TMX1: variants seen among roughly 807,000 people sequenced by gnomAD.
The protein encoded by TMX1 is thioredoxin-related transmembrane protein 1.
Under a neutral mutation model 36.6 loss-of-function variants are expected in TMX1, and 25 were observed. The ratio of observed to expected loss-of-function variants is 0.68; its 90% confidence interval spans 0.50 to 0.95. The LOEUF is 0.95. TMX1 is among the 40% of genes least tolerant of loss of function. The pLI is 0.00. For synonymous variants in TMX1, 133 were observed against 118.0 expected, an observed-to-expected ratio of 1.13 and a Z score of -0.82; for missense variants, 347 against 339.6, an observed-to-expected ratio of 1.02 and a Z score of -0.17.
intron 2 of TMX1, 66 bp downstream of exon 2, chr14:51,244,037 T>A: frequency 7.8e-7 from 1 of 1,284,726 alleles, no homozygotes; most frequent in East Asian, 2.4e-5. Context: ...TCCTTTTTTC[T>A]ACATTGCATA....
Position 51,256,442 on chromosome 14 carries a change from C to T in TMX1, c.*1923C>T, listed in dbSNP as rs984217200. The T allele has an allele frequency of 6.6e-6, 1 of 152,048 alleles. No individual in the cohort carries two copies. The highest frequency in any genetic ancestry group is 2.1e-4 in the South Asian group (1 of 4,830). 9.4% of individuals were successfully genotyped at this position (152,048 alleles called of 1,614,324 possible). On this transcript the variant is annotated 3_prime_UTR_variant, in exon 8 of 8. Transcript: ENST00000457354. Reference sequence around the variant, plus strand: ...TCTTAAAGATTGTCACTGTAGACATCTGAGTAATTAATTTTCAGTTAGTAA... The same window carrying T: ...TCTTAAAGATTGTCACTGTAGACATTTGAGTAATTAATTTTCAGTTAGTAA...
chr14:51,256,405 T>C lies in TMX1; in HGVS notation c.*1886T>C, dbSNP rs574891852. The C allele has an allele frequency of 1.3e-5, 2 of 152,164 alleles. No homozygotes were observed. The highest frequency in any genetic ancestry group is 2.9e-5 in the Non-Finnish European group (2 of 68,004). The allele number at this position is 152,164 out of a possible 1,614,324, so 9.4% of individuals were successfully genotyped here. A position where few individuals can be genotyped will look rare whatever the true frequency, so the allele number is the denominator to read the frequency against. On this transcript the variant is annotated 3_prime_UTR_variant, in exon 8 of 8. Transcript: ENST00000457354. ...GGGTCTTGAAATTTCAGGAAACATA[T>C]AATCTCACGGTTCTTAAAGATTGTC...
rs78542029 is a variant in TMX1, at chr14:51,245,319, G to A, written c.275G>A (p.Ser92Asn). 1 of 1,613,892 alleles carries A rather than the reference G, an allele frequency of 6.2e-7. No individual in the cohort carries two copies. Among genetic ancestry groups the A allele is most frequent in the Admixed American group, 1.7e-5 (1 of 60,018 alleles). The change falls in exon 3 of 8, where the codon AGT becomes AAT. Residue 92 changes from serine to asparagine, a missense_variant. Coordinates refer to ENST00000457354, the MANE Select transcript of TMX1 (RefSeq NM_030755.5). ...KVDVTEQPGL[S>N]GRFIITALPT... ...GTGTGTTCTTTATTTGTAGGACTGA[G>A]TGGACGGTTTATCATAACTGCTCTT... is the stretch of plus-strand genomic sequence containing the variant.
chr14:51,249,282 CTG>C (rs764873819), intron 4 of TMX1, 42 bp from the exon 5 acceptor site: 6 of 1,498,306 alleles, frequency 4.0e-6, no homozygotes, highest in Non-Finnish European at 5.4e-6. Context: ...ATAGACAAAT[CTG>C]TGTATGTTAC....
chr14:51,248,965 G>A (rs2065798963), intron 4 of TMX1, among the ~76,000 whole-genome samples: 1 of 152,094 alleles, frequency 6.6e-6, no homozygotes. Flanking sequence ...TGCTTTGAAG[G>A]CTTTTAAGGG....
Position 51,243,838 on chromosome 14 carries a change from A to G in TMX1, c.153-18A>G, listed in dbSNP as rs758309881. 4 of 1,568,148 alleles carry G rather than the reference A, an allele frequency of 2.6e-6. No individual in the cohort carries two copies. The African/African-American group carries it at 5.5e-5, about 22-fold the overall frequency. ...TAAAGTGCTTAACTTTTTTTAAAAAAAAATCTGTATTTCTTAGTTATGCCC... is the reference window on the plus strand; with the variant it reads ...TAAAGTGCTTAACTTTTTTTAAAAAGAAATCTGTATTTCTTAGTTATGCCC... On this transcript the variant is annotated intron_variant, in intron 1 of 7. Transcript: ENST00000457354.
chr14:51,240,501 G>T, intron 1 of TMX1, 57 bp downstream of exon 1: 1 of 1,573,604 alleles, frequency 6.4e-7, no homozygotes, highest in South Asian at 1.1e-5. Context: ...ACTTCACCCC[G>T]CACGTTCCTC....
intron 7 of TMX1, 148 bp from the exon 8 acceptor site, chr14:51,254,193 T>C: frequency 1.7e-6 from 1 of 590,570 alleles, no homozygotes; most frequent in South Asian, 4.4e-5. Context: ...TTTTTTATCT[T>C]ATCTTGAATA....
rs1291300703 is a variant in TMX1 at position 51,240,389 on chromosome 14, G to C, written c.97G>C (p.Val33Leu). 3.0e-5 allele frequency: 49 copies of C among 1,613,920 alleles called. No individual in the cohort carries two copies. The highest frequency in any genetic ancestry group is 3.9e-5 in the Non-Finnish European group (46 of 1,180,026). Reference sequence around the variant, plus strand: ...GCACGGGCGGCGGAGCAACGTTCGCGTCATCACGGACGAGAACTGGAGAGA... The same window carrying C: ...GCACGGGCGGCGGAGCAACGTTCGCCTCATCACGGACGAGAACTGGAGAGA... ...WTHGRRSNVR[V>L]ITDENWRELL... Residue 33 changes from valine to leucine, a missense_variant, in exon 1 of 8, where the codon GTC (valine) becomes CTC (leucine). Val to Leu is a conservative substitution (Grantham distance 32). Coordinates refer to ENST00000457354, the MANE Select transcript of TMX1 (RefSeq NM_030755.5).
In TMX1 at chr14:51,250,778, A is replaced by G. The variant is rs531266625; in HGVS notation, c.664+1013A>G. Among the ~76,000 whole-genome samples the G allele has an allele frequency of 3.9e-5, 6 of 152,366 alleles. No individual in the cohort carries two copies. The South Asian group carries it at 1.2e-3, about 32-fold the overall frequency. ...AGTGCTGGGATTACAGGCGTGAGCC[A>G]CTGCGCCCAGCCATGATGTCTTTCT... On this transcript the variant is annotated intron_variant, in intron 7 of 7. Coordinates refer to ENST00000457354, the MANE Select transcript of TMX1 (RefSeq NM_030755.5).
chr14:51,249,752 C>T lies in TMX1; in HGVS notation c.651C>T (p.Tyr217=). 6.2e-7 allele frequency: 1 copy of T among 1,608,832 alleles called. No individual in the cohort carries two copies. The highest frequency in any genetic ancestry group is 8.5e-7 in the Non-Finnish European group (1 of 1,176,298). Residue 217 remains tyrosine (Y), a synonymous_variant, in exon 7 of 8, where the codon TAC becomes TAT. Coordinates refer to ENST00000457354, the MANE Select transcript of TMX1 (RefSeq NM_030755.5). ...CPSKRRRPQP[Y]PYPSKKLLSE... ...CAAAAAGGCGCAGACCACAGCCGTA[C>T]CCATACCCTTCAAGTAAGTATATTT...
At chr14:51,247,296 C>G (rs1448504592) in intron 4 of TMX1, 76 bp downstream of exon 4, 2 of 1,430,158 alleles carry the variant, frequency 1.4e-6, no homozygotes, top group African/African-American at 2.9e-5. Flanking sequence ...GTAAAGCATT[C>G]ATACTCAGTT....
At chr14:51,245,411 A>C (rs1390346940) in intron 3 of TMX1, 53 bp downstream of exon 3, 2 of 1,606,562 alleles carry the variant, frequency 1.2e-6, no homozygotes. Context: ...TAGTGTAATC[A>C]GAAGTAGTAG....
At chr14:51,253,161 C>T (rs1262123938) in intron 7 of TMX1, among the ~76,000 whole-genome samples, 3 of 152,098 alleles carry the variant, frequency 2.0e-5, no homozygotes, top group Admixed American at 6.6e-5. Context: ...ACACTATTGA[C>T]GTTTTTGGCC....
chr14:51,245,342 C>A lies in TMX1; in HGVS notation c.298C>A (p.Leu100Ile), dbSNP rs770089612. The change falls in exon 3 of 8, where the codon CTT becomes ATT. Residue 100 changes from leucine (L) to isoleucine (I), a missense_variant. Transcript: ENST00000457354. ...GLSGRFIITA[L>I]PTIYHCKDGE... is the part of the protein sequence containing the mutation. ...GAGTGGACGGTTTATCATAACTGCT[C>A]TTCCTACTATTTATCAGTAAGTATT... The A allele has an allele frequency of 6.2e-7, 1 of 1,613,958 alleles. No homozygotes were observed.
At chr14:51,245,793 C>T (rs148118290) in intron 3 of TMX1, 11 of 290,950 alleles carry the variant, frequency 3.8e-5, no homozygotes, top group African/African-American at 2.2e-4. Context: ...ATCTCATAAA[C>T]AGTCATTAAC....
intron 2 of TMX1, 111 bp downstream of exon 2, chr14:51,244,082 C>A: frequency 1.1e-6 from 1 of 886,264 alleles, no homozygotes; most frequent in Non-Finnish European, 1.6e-6. Context: ...TTTTGAAAAC[C>A]TAACAGTCTG....
At position 51,257,629 on chromosome 14, in the gene TMX1, T is replaced by G. The variant is rs1370664556; in HGVS notation, c.*3110T>G. ...ATTAAAACTAGAGTAACAATAAATT[T>G]AAGTTGGAATTTTGGTAATATGTAA... On this transcript the variant is annotated 3_prime_UTR_variant, in exon 8 of 8. Transcript: ENST00000457354. The G allele has an allele frequency of 1.3e-5, 2 of 152,224 alleles. No individual in the cohort carries two copies. Among genetic ancestry groups the G allele is most frequent in the African/African-American group, 4.8e-5 (2 of 41,466 alleles). 9.4% of individuals were successfully genotyped at this position (152,224 alleles called of 1,614,324 possible).
intron 1 of TMX1, among the ~76,000 whole-genome samples, chr14:51,241,615 T>G (rs1180456955): frequency 1.3e-5 from 2 of 152,226 alleles, no homozygotes; most frequent in Admixed American, 1.3e-4. Flanking sequence ...CCCAGGAGAT[T>G]GAGGTATGAG....
Sources: gnomAD v4.1 joint callset for allele counts (sites outside exome capture counted in the v4.1 genomes callset) on GRCh38, gnomAD v4.1.1 for gene constraint, MANE v1.5 for transcripts, NCBI Gene and HGNC (gene_info 2026-07-23, HGNC 2026-07-21) for gene names.